The following MYO3B variants were observed in gnomAD, a reference collection of about 807,000 sequenced individuals.
The protein encoded by MYO3B is myosin IIIB, also known as myosin-IIIb.
A neutral mutation model predicts 174.6 loss-of-function variants in MYO3B; 156 were observed. The observed-to-expected ratio is 0.89, with a 90% CI of 0.78 to 1.02. MYO3B has a LOEUF of 1.02. MYO3B is among the 50% of genes least tolerant of loss of function. The pLI is 0.00. For synonymous variants in MYO3B, 563 were observed against 569.1 expected (o/e 0.99, Z 0.15); for missense variants, 1,632 against 1,639.4 (o/e 1.00, Z 0.08).
intron 28 of MYO3B, among the ~76,000 whole-genome samples, chr2:170,506,377 C>G (rs1194819731): frequency 6.6e-6 from 1 of 152,218 alleles, no homozygotes; most frequent in African/African-American, 2.4e-5. Context: ...TTAGCATCAT[C>G]AGTGGGTTGG....
chr2:170,234,749 C>G (rs2093052754), intron 6 of MYO3B, among the ~76,000 whole-genome samples: 1 of 152,168 alleles, frequency 6.6e-6, no homozygotes, highest in East Asian at 1.9e-4. Flanking sequence ...GGTGGTTGCT[C>G]ATGTCAAAAA....
intron 7 of MYO3B, among the ~76,000 whole-genome samples, chr2:170,255,784 G>A (rs1474969617): frequency 6.6e-6 from 1 of 152,210 alleles, no homozygotes; most frequent in Admixed American, 6.5e-5. Context: ...TAGCTCCGCA[G>A]CAATAGATCC....
intron 25 of MYO3B, among the ~76,000 whole-genome samples, chr2:170,480,138 A>T (rs1294200761): frequency 6.6e-6 from 1 of 151,970 alleles, no homozygotes; most frequent in African/African-American, 2.4e-5. Flanking sequence ...TAACTCCCAT[A>T]ACCCTTATTA....
chr2:170,649,406 A>C (rs1393718057), intron 32 of MYO3B, among the ~76,000 whole-genome samples: 4 of 126,298 alleles, frequency 3.2e-5, no homozygotes, highest in African/African-American at 1.2e-4. Context: ...TAAAATATAA[A>C]ATATTACATA....
chr2:170,297,858 A>G (rs1485004062), intron 7 of MYO3B, among the ~76,000 whole-genome samples: 3 of 152,234 alleles, frequency 2.0e-5, no homozygotes, highest in South Asian at 2.1e-4. Flanking sequence ...CAGCGATACT[A>G]TAGGAATAGC....
chr2:170,587,664 C>G (rs1693569522), intron 32 of MYO3B, among the ~76,000 whole-genome samples: 1 of 152,168 alleles, frequency 6.6e-6, no homozygotes, highest in Non-Finnish European at 1.5e-5. Flanking sequence ...GACTGATGGC[C>G]AATCACAGAA....
At position 170,515,688 on chromosome 2, in the gene MYO3B, CA is replaced by C. The variant is rs1282087299; in HGVS notation, c.3472+667del. Among the ~76,000 whole-genome samples, 6 of 152,102 alleles carry C rather than the reference CA, an allele frequency of 3.9e-5. No homozygotes were observed. In the South Asian group the frequency reaches 1.0e-3, roughly 26 times the overall value. ...ATTTTTGAAGTATGGTCTTTAATGC[CA>C]GCACCTGCATTTGATGGCAAGTGAA... On this transcript the variant is annotated intron_variant, in intron 29 of 34. Coordinates refer to ENST00000408978, the MANE Select transcript of MYO3B (RefSeq NM_138995.5).
At chr2:170,571,045 A>G (rs1400478516) in intron 32 of MYO3B, among the ~76,000 whole-genome samples, 2 of 152,212 alleles carry the variant, frequency 1.3e-5, no homozygotes. Context: ...TATGTTTCTT[A>G]AGACAGGTAA....
At chr2:170,650,019 C>CTTTTTT (rs1017785949) in intron 32 of MYO3B, 7 of 65,612 alleles carry the variant, frequency 1.1e-4, no homozygotes, top group East Asian at 5.1e-4. Context: ...ATGTGATAGT[C>CTTTTTT]TTTTTTTTTT....
At chr2:170,447,364 T>C (rs1400332542) in intron 23 of MYO3B, among the ~76,000 whole-genome samples, 1 of 152,178 alleles carries the variant, frequency 6.6e-6, no homozygotes, top group African/African-American at 2.4e-5. Flanking sequence ...TTGATAGCAA[T>C]AAAAATTCTT....
intron 30 of MYO3B, among the ~76,000 whole-genome samples, chr2:170,536,781 C>A (rs1000195762): frequency 6.6e-6 from 1 of 152,156 alleles, no homozygotes; most frequent in Admixed American, 6.5e-5. Flanking sequence ...TTTACTGAAA[C>A]CGTTTCTGAA....
intron 5 of MYO3B, among the ~76,000 whole-genome samples, chr2:170,215,232 A>G (rs577918078): frequency 2.2e-4 from 33 of 152,346 alleles, no homozygotes; most frequent in African/African-American, 7.5e-4. Context: ...ACTTATTCCC[A>G]GGGAGCAGAA....
chr2:170,204,314 C>G (rs1260066904), intron 3 of MYO3B, among the ~76,000 whole-genome samples: 1 of 152,138 alleles, frequency 6.6e-6, no homozygotes, highest in East Asian at 1.9e-4. Context: ...AACCCAACAC[C>G]CTTAAAAGAC....
intron 1 of MYO3B, among the ~76,000 whole-genome samples, chr2:170,191,679 G>A (rs753154548): frequency 5.3e-5 from 8 of 152,066 alleles, no homozygotes; most frequent in Non-Finnish European, 1.0e-4. Flanking sequence ...GATTATCTCC[G>A]TGCCACATGA....
intron 7 of MYO3B, among the ~76,000 whole-genome samples, chr2:170,274,756 TA>T (rs2105377271): frequency 6.6e-6 from 1 of 152,316 alleles, no homozygotes; most frequent in Non-Finnish European, 1.5e-5. Context: ...TTACTGTATG[TA>T]AATTTTAACT....
At chr2:170,309,894 G>A (rs954093525) in intron 7 of MYO3B, among the ~76,000 whole-genome samples, 1 of 152,118 alleles carries the variant, frequency 6.6e-6, no homozygotes, top group African/African-American at 2.4e-5. Context: ...AGGAAACAGT[G>A]TACTCATTAA....
At chr2:170,286,109 T>C (rs1453414115) in intron 7 of MYO3B, among the ~76,000 whole-genome samples, 2 of 152,232 alleles carry the variant, frequency 1.3e-5, no homozygotes, top group Non-Finnish European at 2.9e-5. Flanking sequence ...GCTTTGATAA[T>C]AATTTTTGAT....
chr2:170,399,526 AT>A (rs1363692566), intron 16 of MYO3B, among the ~76,000 whole-genome samples: 1 of 151,648 alleles, frequency 6.6e-6, no homozygotes, highest in Non-Finnish European at 1.5e-5. Context: ...TAAAAATATA[AT>A]TTAATATACA....
At chr2:170,576,255 C>T (rs1233023012) in intron 32 of MYO3B, among the ~76,000 whole-genome samples, 4 of 152,138 alleles carry the variant, frequency 2.6e-5, no homozygotes, top group Non-Finnish European at 5.9e-5. Context: ...GGATGAGGGG[C>T]CTCATATAGT....
Sources: gnomAD v4.1 joint callset for allele counts (sites outside exome capture counted in the v4.1 genomes callset) on GRCh38, gnomAD v4.1.1 for gene constraint, MANE v1.5 for transcripts, NCBI Gene and HGNC (gene_info 2026-07-23, HGNC 2026-07-21) for gene names.